ZNF407: variants seen among roughly 807,000 people sequenced by gnomAD.
ZNF407 encodes zinc finger protein 407.
Under a neutral mutation model 131.2 loss-of-function variants are expected in ZNF407, and 17 were observed. The observed-to-expected ratio is 0.13, with a 90% CI of 0.09 to 0.19. The LOEUF (loss-of-function observed/expected upper bound fraction) is 0.19. Among genes scored for constraint, ZNF407 ranks in the 10% least tolerant of loss-of-function variants. ZNF407 has a pLI of 1.00. For synonymous variants in ZNF407, 1,156 were observed against 1,062.0 expected, an observed-to-expected ratio of 1.09 and a Z score of -1.72; for missense variants, 2,681 against 2,830.6, an observed-to-expected ratio of 0.95 and a Z score of 1.20.
intron 3 of ZNF407, among the ~76,000 whole-genome samples, chr18:74,729,015 G>A (rs1165949623): frequency 6.6e-6 from 1 of 152,144 alleles, no homozygotes; most frequent in Non-Finnish European, 1.5e-5. Context: ...TAGAAGACAG[G>A]AGCATAACCA....
intron 3 of ZNF407, among the ~76,000 whole-genome samples, chr18:74,667,517 C>T (rs564635981): frequency 8.5e-5 from 13 of 152,310 alleles, no homozygotes; most frequent in Admixed American, 4.6e-4. Flanking sequence ...GTTGCGTACT[C>T]GTCTCTTATA....
chr18:75,001,207 G>A (rs1252395942), intron 8 of ZNF407, among the ~76,000 whole-genome samples: 1 of 152,164 alleles, frequency 6.6e-6, no homozygotes, highest in Admixed American at 6.6e-5. Context: ...TATCTTTGAA[G>A]TGCCGACTGT....
At chr18:74,640,960 T>G in intron 2 of ZNF407, 48 bp from the exon 3 acceptor site, 1 of 1,352,034 alleles carries the variant, frequency 7.4e-7, no homozygotes, top group Non-Finnish European at 1.1e-6. Context: ...AAGCTATTGG[T>G]GATGTATTAT....
intron 3 of ZNF407, among the ~76,000 whole-genome samples, chr18:74,715,847 G>GT (rs1285282810): frequency 2.0e-5 from 3 of 152,166 alleles, no homozygotes; most frequent in Non-Finnish European, 2.9e-5. Flanking sequence ...GGAGAAGGCT[G>GT]TTTTCAAATA....
chr18:74,878,817 T>A (rs1460843721), intron 5 of ZNF407, among the ~76,000 whole-genome samples: 1 of 151,634 alleles, frequency 6.6e-6, no homozygotes, highest in African/African-American at 2.4e-5. Flanking sequence ...TTTAGTTTTT[T>A]CTTAAAATTT....
rs140288399 is a variant in ZNF407 at position 74,797,766 on chromosome 18, G to A, written c.4877+16264G>A. Among the ~76,000 whole-genome samples, 149 of 151,920 alleles carry A rather than the reference G, an allele frequency of 9.8e-4. 1 individual carries two copies. Among genetic ancestry groups the A allele is most frequent in the Middle Eastern group, 6.9e-3 (2 of 290 alleles). On this transcript the variant is annotated intron_variant, in intron 4 of 8. Transcript: ENST00000299687. ...TAGCTGAAAAGCCCAGGCTGCTATT[G>A]GTGCCTTTAGTGTGTGAAGTGCTTA...
In ZNF407 at chr18:74,974,616, A is replaced by G. The variant is rs534636363; in HGVS notation, c.5428+53924A>G. Reference sequence around the variant, plus strand: ...AGCATTCACTACAGCTTACATAGTGAAAACTACCAATGATGAAGTAGATTA... The same window carrying G: ...AGCATTCACTACAGCTTACATAGTGGAAACTACCAATGATGAAGTAGATTA... On this transcript the variant is annotated intron_variant, in intron 8 of 8. Transcript: ENST00000299687. 3.3e-4 allele frequency among the ~76,000 whole-genome samples: 50 copies of G among 152,374 alleles called. 2 individuals carry two copies. The South Asian group carries it at 8.3e-3, about 25-fold the overall frequency.
chr18:74,807,450 A>G (rs760552315), intron 4 of ZNF407, among the ~76,000 whole-genome samples: 1 of 152,184 alleles, frequency 6.6e-6, no homozygotes, highest in Non-Finnish European at 1.5e-5. Flanking sequence ...CAAGACTTTG[A>G]ACAGTCACAC....
chr18:74,812,450 C>T (rs1411230438), intron 4 of ZNF407, among the ~76,000 whole-genome samples: 1 of 152,108 alleles, frequency 6.6e-6, no homozygotes, highest in Non-Finnish European at 1.5e-5. Flanking sequence ...TTATTTTTTT[C>T]TAGATAACCT....
At position 74,809,159 on chromosome 18, in the gene ZNF407, T is replaced by C. The variant is rs532441611; in HGVS notation, c.4877+27657T>C. ...TTAGATCCGGCATGCATCTTCGCCA[T>C]GCAATTTTATGCAAAAGTGAAATGA... On this transcript the variant is annotated intron_variant, in intron 4 of 8. Coordinates refer to ENST00000299687, the MANE Select transcript of ZNF407 (RefSeq NM_017757.3). Among the ~76,000 whole-genome samples the C allele has an allele frequency of 1.4e-3, 217 of 152,354 alleles. 1 individual carries two copies. Among genetic ancestry groups the C allele is most frequent in the African/African-American group, 5.0e-3 (207 of 41,582 alleles).
In ZNF407 at chr18:74,970,641, C is replaced by A. The variant is rs1458013508; in HGVS notation, c.5428+49949C>A. 2.6e-5 allele frequency among the ~76,000 whole-genome samples: 4 copies of A among 152,354 alleles called. No homozygotes were observed. In the East Asian group the frequency reaches 7.7e-4, roughly 29 times the overall value. On this transcript the variant is annotated intron_variant, in intron 8 of 8. Transcript: ENST00000299687. The stretch of plus-strand genomic sequence containing the variant: ...AGAGGTGGGTTCCCATGGTCTTGGG[C>A]AGCTCTGCCCCTGCCACTTTGCAGG...
chr18:74,710,461 G>T (rs1430677647), intron 3 of ZNF407, among the ~76,000 whole-genome samples: 1 of 152,178 alleles, frequency 6.6e-6, no homozygotes, highest in Non-Finnish European at 1.5e-5. Flanking sequence ...CGCGAGCAGT[G>T]TAGTTTGGGA....
chr18:74,738,257 T>G (rs1243629951), intron 3 of ZNF407, among the ~76,000 whole-genome samples: 1 of 151,624 alleles, frequency 6.6e-6, no homozygotes, highest in Non-Finnish European at 1.5e-5. Context: ...CTGTCTCTAC[T>G]AAAAATACAA....
intron 4 of ZNF407, among the ~76,000 whole-genome samples, chr18:74,850,643 G>T (rs1247860929): frequency 6.6e-6 from 1 of 152,094 alleles, no homozygotes. Context: ...ACAAATAAAG[G>T]CTGATGCTTT....
chr18:74,649,487 A>G (rs935451084), intron 3 of ZNF407, among the ~76,000 whole-genome samples: 1 of 152,266 alleles, frequency 6.6e-6, no homozygotes, highest in Non-Finnish European at 1.5e-5. Flanking sequence ...CAAATGCTTC[A>G]CAACATAAAT....
At chr18:74,605,216 C>T (rs908843828) in intron 1 of ZNF407, among the ~76,000 whole-genome samples, 1 of 152,132 alleles carries the variant, frequency 6.6e-6, no homozygotes, top group Admixed American at 6.5e-5. Flanking sequence ...GCACCTCCTT[C>T]ACCCCCAGCT....
intron 7 of ZNF407, among the ~76,000 whole-genome samples, chr18:74,907,925 A>C (rs573924363): frequency 6.6e-6 from 1 of 152,176 alleles, no homozygotes; most frequent in Non-Finnish European, 1.5e-5. Flanking sequence ...AAATTTTGCC[A>C]ATCTGTCACC....
intron 8 of ZNF407, among the ~76,000 whole-genome samples, chr18:74,937,035 A>G (rs1972047095): frequency 6.6e-6 from 1 of 152,216 alleles, no homozygotes; most frequent in African/African-American, 2.4e-5. Flanking sequence ...GATTATCACC[A>G]AACAAATTTT....
At chr18:74,920,229 G>A (rs1335379111) in intron 7 of ZNF407, among the ~76,000 whole-genome samples, 5 of 152,096 alleles carry the variant, frequency 3.3e-5, no homozygotes, top group African/African-American at 4.8e-5. Flanking sequence ...CACTGCCCTC[G>A]AGTGGTACCA....
Sources: allele counts gnomAD v4.1 joint callset (sites outside exome capture counted in the v4.1 genomes callset), GRCh38; gene constraint gnomAD v4.1.1; transcripts MANE v1.5; gene names NCBI Gene and HGNC (gene_info 2026-07-23, HGNC 2026-07-21).